The following GPR176 variants were observed in gnomAD, a reference collection of about 807,000 sequenced individuals.
GPR176 encodes the protein G protein-coupled receptor 176, also known as G-protein coupled receptor 176.
A neutral mutation model predicts 35.4 loss-of-function variants in GPR176; 26 were observed. That is an observed-to-expected ratio of 0.74 (90% confidence interval 0.54 to 1.02). The LOEUF is 1.02. GPR176 is among the 50% of genes least tolerant of loss of function. The pLI is 0.00. For synonymous variants in GPR176, 278 were observed against 271.3 expected (o/e 1.02, Z -0.24); for missense variants, 597 against 665.3 (o/e 0.90, Z 1.13).
chr15:39,840,894 T>C (rs748740312), intron 1 of GPR176, among the ~76,000 whole-genome samples: 2 of 152,126 alleles, frequency 1.3e-5, no homozygotes, highest in African/African-American at 4.8e-5. Flanking sequence ...TTTTTGTTGA[T>C]CTGAATTTGA....
At chr15:39,827,298 C>T (rs1192322851) in intron 1 of GPR176, among the ~76,000 whole-genome samples, 1 of 152,114 alleles carries the variant, frequency 6.6e-6, no homozygotes, top group Non-Finnish European at 1.5e-5. Flanking sequence ...CCTCTGCTGT[C>T]AAAAGGTGAA....
chr15:39,865,614 T>C (rs2031796502), intron 1 of GPR176, among the ~76,000 whole-genome samples: 1 of 152,156 alleles, frequency 6.6e-6, no homozygotes, highest in Non-Finnish European at 1.5e-5. Context: ...GTACATTATT[T>C]GGATTATGGA....
chr15:39,878,656 GATC>G lies in GPR176; in HGVS notation c.172+41196_172+41198del, dbSNP rs1169151596. 2.6e-5 allele frequency among the ~76,000 whole-genome samples: 4 copies of G among 152,270 alleles called. No homozygotes were observed. The South Asian group carries it at 8.3e-4, about 32-fold the overall frequency. On this transcript the variant is annotated intron_variant, in intron 1 of 2. Transcript: ENST00000561100. Reference sequence around the variant, plus strand: ...TACATGCCCATAAGTGGGACTGCTGGATCATATGGTAGTTCTGTTTTTAGTTTT... The same window carrying G: ...TACATGCCCATAAGTGGGACTGCTGGATATGGTAGTTCTGTTTTTAGTTTT...
chr15:39,843,876 C>CT (rs1484867431), intron 1 of GPR176, among the ~76,000 whole-genome samples: 2 of 152,092 alleles, frequency 1.3e-5, no homozygotes. Flanking sequence ...TTAATTTCCT[C>CT]TTCAGTCCTA....
At position 39,799,124 on chromosome 15, in the gene GPR176, A is replaced by G. The variant is rs936781150; in HGVS notation, c.*2008T>C. 4.7e-5 allele frequency: 7 copies of G among 149,360 alleles called. No homozygotes were observed. The highest frequency in any genetic ancestry group is 1.8e-4 in the African/African-American group (7 of 39,814). The allele number at this position is 149,360 out of a possible 1,614,324, so 9.3% of individuals were successfully genotyped here. On this transcript the variant is annotated 3_prime_UTR_variant, in exon 3 of 3. Coordinates refer to ENST00000561100, the MANE Select transcript of GPR176 (RefSeq NM_007223.3). ...GCCATCTGCTTCAAACATATATAAG[A>G]AACATACCCAACCAGATTCTGCCTC...
intron 1 of GPR176, among the ~76,000 whole-genome samples, chr15:39,826,762 A>G (rs1050511410): frequency 4.6e-5 from 7 of 152,210 alleles, no homozygotes; most frequent in Non-Finnish European, 7.3e-5. Context: ...GAGTAAACAG[A>G]AGCCAGAGGG....
Position 39,800,729 on chromosome 15 carries a change from G to A in GPR176, c.*403C>T, listed in dbSNP as rs1189560923. Reference sequence around the variant, plus strand: ...AGCCACCATGCTCCATCATGATCTTGGAATTCCCTTAGAGTGCTCCTGCTC... The same window carrying A: ...AGCCACCATGCTCCATCATGATCTTAGAATTCCCTTAGAGTGCTCCTGCTC... On this transcript the variant is annotated 3_prime_UTR_variant, in exon 3 of 3. Transcript: ENST00000561100. The A allele has an allele frequency of 1.8e-5, 3 of 166,032 alleles. No homozygotes were observed. The highest frequency in any genetic ancestry group is 2.6e-5 in the Non-Finnish European group (2 of 75,842). The allele number at this position is 166,032 out of a possible 1,614,324, so 10.3% of individuals were successfully genotyped here. A position where few individuals can be genotyped will look rare whatever the true frequency, so the allele number is the denominator to read the frequency against.
chr15:39,878,312 C>T (rs1412866188), intron 1 of GPR176, among the ~76,000 whole-genome samples: 2 of 152,106 alleles, frequency 1.3e-5, no homozygotes, highest in African/African-American at 4.8e-5. Flanking sequence ...ATCATTCTAC[C>T]CTCTGCTTCC....
intron 1 of GPR176, among the ~76,000 whole-genome samples, chr15:39,840,603 C>T (rs1388879751): frequency 2.6e-5 from 4 of 152,060 alleles, no homozygotes; most frequent in African/African-American, 9.7e-5. Flanking sequence ...GCACGTTGTG[C>T]ACATGTACCC....
chr15:39,841,504 G>A (rs926448436), intron 1 of GPR176, among the ~76,000 whole-genome samples: 4 of 152,134 alleles, frequency 2.6e-5, no homozygotes, highest in Non-Finnish European at 5.9e-5. Flanking sequence ...CACACACAGG[G>A]AAGATGACAG....
At chr15:39,850,864 A>G (rs150249643) in intron 1 of GPR176, among the ~76,000 whole-genome samples, 1 of 152,264 alleles carries the variant, frequency 6.6e-6, no homozygotes, top group East Asian at 1.9e-4. Flanking sequence ...AAAAAACAAA[A>G]AAACAAAAAA....
intron 1 of GPR176, among the ~76,000 whole-genome samples, chr15:39,883,345 A>G (rs2032552261): frequency 6.6e-6 from 1 of 152,220 alleles, no homozygotes; most frequent in South Asian, 2.1e-4. Flanking sequence ...CACTGATATG[A>G]GAAACGTTTA....
chr15:39,873,149 T>C (rs1259549104), intron 1 of GPR176, among the ~76,000 whole-genome samples: 2 of 152,184 alleles, frequency 1.3e-5, no homozygotes, highest in African/African-American at 4.8e-5. Flanking sequence ...TATTGTCTTA[T>C]CTGATCTTCA....
intron 1 of GPR176, among the ~76,000 whole-genome samples, chr15:39,914,156 C>T (rs996953084): frequency 6.6e-6 from 1 of 151,944 alleles, no homozygotes; most frequent in Non-Finnish European, 1.5e-5. Flanking sequence ...TAAATTTTCA[C>T]CAGAGAATTT....
At chr15:39,894,562 T>C (rs1318602547) in intron 1 of GPR176, 10 of 164,080 alleles carry the variant, frequency 6.1e-5, no homozygotes, top group Non-Finnish European at 7.3e-5. Flanking sequence ...CGGGCAGAGG[T>C]GCTCCTCACA....
intron 1 of GPR176, among the ~76,000 whole-genome samples, chr15:39,853,201 A>G (rs556659964): frequency 1.3e-5 from 2 of 152,342 alleles, no homozygotes; most frequent in South Asian, 4.1e-4. Context: ...TAAAGAAAAC[A>G]TGATATATAC....
chr15:39,838,295 T>C (rs573134394), intron 1 of GPR176, among the ~76,000 whole-genome samples: 215 of 152,292 alleles, frequency 1.4e-3, no homozygotes, highest in Non-Finnish European at 2.5e-3. Context: ...CCCATTTGCT[T>C]AAATCAAATG....
intron 1 of GPR176, among the ~76,000 whole-genome samples, chr15:39,809,647 C>T (rs946960351): frequency 1.3e-5 from 2 of 152,126 alleles, no homozygotes; most frequent in African/African-American, 4.8e-5. Flanking sequence ...CTATGTATTC[C>T]CATTATACTT....
chr15:39,803,101 A>G (rs965410927), intron 2 of GPR176, among the ~76,000 whole-genome samples: 3 of 152,096 alleles, frequency 2.0e-5, no homozygotes, highest in African/African-American at 4.8e-5. Flanking sequence ...CTAGAACCAC[A>G]TCTGTAGTAA....
Sources: allele counts gnomAD v4.1 joint callset (sites outside exome capture counted in the v4.1 genomes callset), GRCh38; gene constraint gnomAD v4.1.1; transcripts MANE v1.5; gene names NCBI Gene and HGNC (gene_info 2026-07-23, HGNC 2026-07-21).